The following CSPP1 variants were observed in gnomAD, a reference collection of about 807,000 sequenced individuals.
The protein encoded by CSPP1 is centrosome and spindle pole associated protein 1.
In CSPP1, 126 loss-of-function variants were observed where a neutral mutation model predicts 164.4. The ratio of observed to expected loss-of-function variants is 0.77; its 90% CI spans 0.66 to 0.89. The LOEUF (loss-of-function observed/expected upper bound fraction) is 0.89. Ranked by LOEUF, CSPP1 falls within the 40% of genes least tolerant of loss-of-function variation. CSPP1 has a pLI of 0.00. For synonymous variants in CSPP1, 472 were observed against 476.7 expected (o/e 0.99, Z 0.13); for missense variants, 1,395 against 1,449.8 (o/e 0.96, Z 0.61).
intron 21 of CSPP1, among the ~76,000 whole-genome samples, chr8:67,161,477 T>C (rs1828335924): frequency 6.6e-6 from 1 of 152,214 alleles, no homozygotes; most frequent in Non-Finnish European, 1.5e-5. Flanking sequence ...TGTATTGTCA[T>C]GGTACCTTTT....
chr8:67,181,091 G>A (rs968876105), intron 28 of CSPP1, among the ~76,000 whole-genome samples: 5 of 151,852 alleles, frequency 3.3e-5, no homozygotes, highest in Non-Finnish European at 2.9e-5. Context: ...AGGCTGGAGT[G>A]CAGCAGCACA....
chr8:67,184,134 T>G (rs1331047872), intron 28 of CSPP1, among the ~76,000 whole-genome samples: 1 of 152,198 alleles, frequency 6.6e-6, no homozygotes, highest in African/African-American at 2.4e-5. Context: ...ATTATAGGCG[T>G]GAGCCACTGC....
chr8:67,182,223 G>C (rs546094222), intron 28 of CSPP1, among the ~76,000 whole-genome samples: 1 of 151,994 alleles, frequency 6.6e-6, no homozygotes, highest in Non-Finnish European at 1.5e-5. Context: ...GGTTGGTCGC[G>C]AACTCTTGAG....
At chr8:67,091,337 TTATATC>T (rs1203500191) in intron 4 of CSPP1, among the ~76,000 whole-genome samples, 1 of 152,230 alleles carries the variant, frequency 6.6e-6, no homozygotes, top group Non-Finnish European at 1.5e-5. Context: ...CATTCATAGT[TTATATC>T]TATTGGCATT....
intron 18 of CSPP1, among the ~76,000 whole-genome samples, chr8:67,150,750 A>G (rs184878169): frequency 7.2e-5 from 11 of 152,242 alleles, no homozygotes; most frequent in Admixed American, 7.2e-4. Flanking sequence ...CCTTTAATCA[A>G]TTCTGAAAGA....
At chr8:67,079,105 G>A (rs1002464425) in intron 3 of CSPP1, among the ~76,000 whole-genome samples, 2 of 152,068 alleles carry the variant, frequency 1.3e-5, no homozygotes, top group Non-Finnish European at 2.9e-5. Flanking sequence ...GTGTTACTTC[G>A]GCCTCTGACC....
intron 15 of CSPP1, among the ~76,000 whole-genome samples, chr8:67,124,201 T>A (rs1819613660): frequency 6.6e-6 from 1 of 152,110 alleles, no homozygotes; most frequent in Non-Finnish European, 1.5e-5. Flanking sequence ...ACCCGGCCTA[T>A]TAGTTTCTTT....
intron 19 of CSPP1, among the ~76,000 whole-genome samples, chr8:67,155,607 G>A (rs921619034): frequency 2.6e-5 from 4 of 152,020 alleles, no homozygotes; most frequent in African/African-American, 9.7e-5. Context: ...ACTAGCCTGG[G>A]CAACATGATG....
intron 17 of CSPP1, among the ~76,000 whole-genome samples, chr8:67,144,949 G>A (rs537490591): frequency 6.6e-6 from 1 of 150,980 alleles, no homozygotes; most frequent in African/African-American, 2.4e-5. Context: ...GTGTGCTCCT[G>A]TGGTCCCAGC....
intron 24 of CSPP1, among the ~76,000 whole-genome samples, chr8:67,168,162 T>C (rs993322245): frequency 2.6e-5 from 4 of 152,108 alleles, no homozygotes; most frequent in East Asian, 1.9e-4. Context: ...TCAGGCGTGG[T>C]GGCGCGCGCC....
At chr8:67,187,386 A>G (rs1418731374) in intron 28 of CSPP1, among the ~76,000 whole-genome samples, 1 of 152,190 alleles carries the variant, frequency 6.6e-6, no homozygotes, top group African/African-American at 2.4e-5. Flanking sequence ...GTTGAATGGA[A>G]TATGGAGCCC....
chr8:67,149,835 T>C lies in CSPP1; in HGVS notation c.2028T>C (p.Asp676=). 1.9e-6 allele frequency: 3 copies of C among 1,606,190 alleles called. No homozygotes were observed. The highest frequency in any genetic ancestry group is 2.2e-5 in the South Asian group (2 of 89,310). The change falls in exon 18 of 31, where the codon GAT becomes GAC. Residue 676 remains aspartate (D), a synonymous_variant. Transcript: ENST00000678616. ...RQNIDAYHNP[D]ARTYEDKRAV... is the part of the protein sequence containing the mutation. ...ATATAGATGCCTACCATAACCCAGATGCAAGAACATATGAAGATAAAAGGG... is the reference window on the plus strand; with the variant it reads ...ATATAGATGCCTACCATAACCCAGACGCAAGAACATATGAAGATAAAAGGG...
In CSPP1 at chr8:67,161,761, G is replaced by A. The variant is rs192708888; in HGVS notation, c.2539-50G>A. ...GGGGTGTGTGTGTGTGTATATATGT[G>A]TGTGAGTGTGATGAAGCAAATATGC... On this transcript the variant is annotated intron_variant, in intron 21 of 30. Transcript: ENST00000678616. 4.8e-4 allele frequency: 459 copies of A among 956,722 alleles called. No individual in the cohort carries two copies. The African/African-American group carries it at 6.7e-3, about 14-fold the overall frequency. 59.3% of individuals were successfully genotyped at this position (956,722 alleles called of 1,614,324 possible).
intron 18 of CSPP1, among the ~76,000 whole-genome samples, chr8:67,153,674 T>C (rs1826128925): frequency 6.6e-6 from 1 of 152,112 alleles, no homozygotes; most frequent in East Asian, 1.9e-4. Flanking sequence ...TAAAGGATAT[T>C]CACATACTGA....
intron 13 of CSPP1, among the ~76,000 whole-genome samples, chr8:67,116,518 A>G (rs985441818): frequency 7.9e-5 from 12 of 152,136 alleles, no homozygotes; most frequent in Admixed American, 7.2e-4. Context: ...TGGCTCTTTT[A>G]CACATATAAT....
At chr8:67,157,600 C>A (rs1157278554) in intron 19 of CSPP1, 1 of 152,182 alleles carries the variant, frequency 6.6e-6, no homozygotes, top group Admixed American at 6.5e-5. Context: ...GATAGAGCAA[C>A]CTTGAAGCTA....
chr8:67,072,887 A>AAAAGAAAG (rs1253097385), intron 1 of CSPP1, among the ~76,000 whole-genome samples: 6 of 150,308 alleles, frequency 4.0e-5, no homozygotes, highest in South Asian at 2.1e-4. Context: ...AAAAAAAAAA[A>AAAAGAAAG]AAAGAAAGAA....
chr8:67,102,959 C>A, intron 7 of CSPP1, 78 bp from the exon 8 acceptor site: 1 of 768,520 alleles, frequency 1.3e-6, no homozygotes, highest in Admixed American at 2.3e-5. Flanking sequence ...TTGCCAACAT[C>A]AAATGTAAAA....
At chr8:67,107,287 A>G (rs1009100494) in intron 9 of CSPP1, among the ~76,000 whole-genome samples, 1 of 152,200 alleles carries the variant, frequency 6.6e-6, no homozygotes. Context: ...ACCTCAAGTG[A>G]TGTGCCTGCC....
Sources: allele counts gnomAD v4.1 joint callset (sites outside exome capture counted in the v4.1 genomes callset), GRCh38; gene constraint gnomAD v4.1.1; transcripts MANE v1.5; gene names NCBI Gene and HGNC (gene_info 2026-07-23, HGNC 2026-07-21).